LINC00632: variants seen among roughly 807,000 people sequenced by gnomAD.
The protein encoded by LINC00632 is ALDOA related specific transcript.
chrX:140,785,139 ATTAATT>A (rs1243558260), exon 5 of LINC00632, among the ~76,000 whole-genome samples: 1 of 108,266 alleles, frequency 9.2e-6, no homozygotes, highest in Non-Finnish European at 1.9e-5. Flanking sequence ...TTTAAATGAT[ATTAATT>A]TTTATCATTG....
intron 3 of LINC00632, among the ~76,000 whole-genome samples, chrX:140,743,957 G>A (rs1319385406): frequency 1.8e-5 from 2 of 111,706 alleles, no homozygotes; most frequent in Non-Finnish European, 3.8e-5. Context: ...TTTTAGGAGT[G>A]AGCATTCATG....
intron 2 of LINC00632, chrX:140,711,917 T>C (rs1930524880): frequency 7.6e-6 from 1 of 131,574 alleles, no homozygotes; most frequent in African/African-American, 3.2e-5. Context: ...TTTTTACAAT[T>C]AACTCCTTAA....
exon 5 of LINC00632, among the ~76,000 whole-genome samples, chrX:140,778,618 GAAAA>G (rs57214136): frequency 2.5e-5 from 1 of 40,297 alleles, no homozygotes; most frequent in Non-Finnish European, 5.6e-5. Flanking sequence ...AACAAACAAA[GAAAA>G]AAAAAAAAAA....
intron 3 of LINC00632, among the ~76,000 whole-genome samples, chrX:140,754,698 T>G (rs1353912138): frequency 9.0e-6 from 1 of 110,830 alleles, no homozygotes; most frequent in Non-Finnish European, 1.9e-5. Flanking sequence ...GCAGATTTTT[T>G]TTTTTCTACT....
rs200591996 is a variant in LINC00632 at position 140,723,040 on chromosome X, C to CAAAA, written n.105-10828_105-10825dup. Among the ~76,000 whole-genome samples the CAAAA allele has an allele frequency of 1.7e-4, 15 of 87,084 alleles. 1 individual carries two copies. Among genetic ancestry groups the CAAAA allele is most frequent in the African/African-American group, 5.9e-4 (14 of 23,563 alleles). 75.6% of individuals were successfully genotyped at this position (87,084 alleles called of 115,157 possible). A position where few individuals can be genotyped will look rare whatever the true frequency, so the allele number is the denominator to read the frequency against. ...TGGGCAACAGAGGGAAACTCCATCT[C>CAAAA]AAAAAAAAAAAAAGAAAAGAAAAGA... On this transcript the variant is annotated intron_variant and non_coding_transcript_variant, in intron 2 of 4. Transcript: ENST00000648200.
intron 3 of LINC00632, among the ~76,000 whole-genome samples, chrX:140,748,849 A>G (rs1007051602): frequency 1.1e-5 from 1 of 87,050 alleles, no homozygotes; most frequent in African/African-American, 4.0e-5. Flanking sequence ...TATATATTTT[A>G]TATATATGAT....
At chrX:140,776,923 A>T (rs1416552921) in exon 5 of LINC00632, among the ~76,000 whole-genome samples, 1 of 111,586 alleles carries the variant, frequency 9.0e-6, no homozygotes, top group Admixed American at 9.5e-5. Flanking sequence ...GATAAAGAAA[A>T]TGTGGCACAT....
intron 2 of LINC00632, among the ~76,000 whole-genome samples, chrX:140,719,543 G>A (rs1401661211): frequency 2.8e-5 from 3 of 108,688 alleles, no homozygotes; most frequent in Non-Finnish European, 5.7e-5. Context: ...TGATCCACCT[G>A]CCTCGGCCTC....
exon 5 of LINC00632, chrX:140,784,381 C>A: frequency 8.3e-7 from 1 of 1,205,564 alleles, no homozygotes; most frequent in East Asian, 3.0e-5. Flanking sequence ...TCCAGAAAAT[C>A]CACGTCTTCC....
exon 5 of LINC00632, chrX:140,783,495 C>T: frequency 1.1e-6 from 1 of 951,408 alleles, no homozygotes; most frequent in Non-Finnish European, 1.5e-6. Context: ...TACAGATCTT[C>T]CAGCTAATCC....
At chrX:140,788,428 TTGTC>T (rs762802793) in exon 5 of LINC00632, among the ~76,000 whole-genome samples, 130 of 110,673 alleles carry the variant, frequency 1.2e-3, no homozygotes, top group Non-Finnish European at 1.9e-3. Flanking sequence ...TTCTGTACAT[TTGTC>T]TTTCATTATT....
At chrX:140,759,406 G>A (rs1931564666) in intron 3 of LINC00632, among the ~76,000 whole-genome samples, 1 of 106,828 alleles carries the variant, frequency 9.4e-6, no homozygotes. Context: ...GCCCAGGCTG[G>A]TGTGCAGTGG....
intron 3 of LINC00632, among the ~76,000 whole-genome samples, chrX:140,744,570 G>T (rs1280857331): frequency 1.9e-5 from 1 of 51,322 alleles, no homozygotes; most frequent in East Asian, 1.8e-3. Context: ...TTTTTTTTGG[G>T]GGGGGGGGTG....
At chrX:140,762,718 G>T (rs190910683) in intron 3 of LINC00632, among the ~76,000 whole-genome samples, 94 of 112,256 alleles carry the variant, frequency 8.4e-4, no homozygotes, top group African/African-American at 2.8e-3. Flanking sequence ...AAATAAGTGG[G>T]CATGAATAGG....
At chrX:140,757,562 T>C (rs752890696) in intron 3 of LINC00632, among the ~76,000 whole-genome samples, 95 of 111,114 alleles carry the variant, frequency 8.5e-4, no homozygotes, top group Non-Finnish European at 1.5e-3. Flanking sequence ...TCTGTTTGTA[T>C]AATTCTTTTT....
chrX:140,778,224 GCTT>G (rs1430803083), exon 5 of LINC00632, among the ~76,000 whole-genome samples: 1 of 112,581 alleles, frequency 8.9e-6, no homozygotes, highest in Admixed American at 9.4e-5. Context: ...TAGGTCATTT[GCTT>G]CTTCTTAGTC....
At chrX:140,732,765 C>CTT (rs1242982776) in intron 2 of LINC00632, among the ~76,000 whole-genome samples, 1 of 101,755 alleles carries the variant, frequency 9.8e-6, no homozygotes, top group Non-Finnish European at 2.0e-5. Context: ...GTGGCTATGA[C>CTT]TTTTTTTTTT....
At chrX:140,758,372 C>CTTTTTTTTTTTTTTTTTTTTTTTT (rs35668777) in intron 3 of LINC00632, among the ~76,000 whole-genome samples, 1 of 69,809 alleles carries the variant, frequency 1.4e-5, no homozygotes, top group African/African-American at 4.8e-5. Flanking sequence ...CTACATTTTC[C>CTTTTTTTTTTTTTTTTTTTTTTTT]TTTTTTTTTT....
intron 3 of LINC00632, among the ~76,000 whole-genome samples, chrX:140,771,505 C>G (rs1482489512): frequency 9.5e-6 from 1 of 105,780 alleles, no homozygotes; most frequent in Non-Finnish European, 1.9e-5. Context: ...ATACAAGTCA[C>G]AAATGTTGAT....
Sources: allele counts gnomAD v4.1 joint callset (sites outside exome capture counted in the v4.1 genomes callset), GRCh38; gene constraint gnomAD v4.1.1; transcripts MANE v1.5; gene names NCBI Gene and HGNC (gene_info 2026-07-23, HGNC 2026-07-21).